The following SLC9A6 variants were observed in gnomAD, a reference collection of about 807,000 sequenced individuals.
The protein encoded by SLC9A6 is solute carrier family 9 member A6.
SLC9A6 carries 6 observed loss-of-function variants against 45.3 expected under a neutral mutation model. The observed-to-expected ratio is 0.13, with a 90% CI of 0.07 to 0.26. SLC9A6 has a LOEUF of 0.26. SLC9A6 is among the 10% of genes least tolerant of loss of function. The pLI is 1.00. For missense variants in SLC9A6, 278 were observed against 503.7 expected (o/e 0.55, Z 4.29); for synonymous variants, 191 against 187.7 (o/e 1.02, Z -0.14).
In SLC9A6 at chrX:135,997,056, A is replaced by G. The variant is rs781797475; in HGVS notation, c.370-1052A>G. Among the ~76,000 whole-genome samples the G allele has an allele frequency of 3.1e-3, 319 of 102,507 alleles. 1 individual carries two copies. Among genetic ancestry groups the G allele is most frequent in the African/African-American group, 8.4e-3 (230 of 27,261 alleles). The allele number at this position is 102,507 out of a possible 115,157, so 89.0% of individuals were successfully genotyped here. A position where few individuals can be genotyped will look rare whatever the true frequency, so the allele number is the denominator to read the frequency against. ...GCTGGGATTACAGGCTTGAGCCACC[A>G]CGCCTGGCCTCATTCATTTATTTTT... On this transcript the variant is annotated intron_variant, in intron 3 of 17. Transcript: ENST00000630721.
At chrX:136,023,088 G>A (rs2071157606) in intron 12 of SLC9A6, among the ~76,000 whole-genome samples, 2 of 98,466 alleles carry the variant, frequency 2.0e-5, no homozygotes, top group African/African-American at 3.8e-5. Context: ...TAGGATTATA[G>A]GCATGAGGCA....
chrX:136,037,200 G>A (rs1387013897), intron 16 of SLC9A6, among the ~76,000 whole-genome samples: 6 of 112,132 alleles, frequency 5.4e-5, no homozygotes, highest in Non-Finnish European at 9.4e-5. Context: ...GGTGCTTTGC[G>A]TTTTCCTTTA....
At chrX:136,020,877 T>C (rs782165323) in intron 11 of SLC9A6, among the ~76,000 whole-genome samples, 2 of 109,395 alleles carry the variant, frequency 1.8e-5, no homozygotes, top group South Asian at 8.1e-4. Flanking sequence ...TTTTTTTGAG[T>C]ACTTCCTTAC....
At chrX:136,004,214 G>T (rs781895779) in intron 7 of SLC9A6, among the ~76,000 whole-genome samples, 1 of 103,582 alleles carries the variant, frequency 9.7e-6, no homozygotes, top group South Asian at 4.6e-4. Context: ...TCAGCCTCCC[G>T]AGTAGCTGGG....
rs139549078 is a variant in SLC9A6 at position 135,992,665 on chromosome X, T to A, written c.170-2121T>A. On this transcript the variant is annotated intron_variant, in intron 2 of 17. Coordinates refer to ENST00000630721, the MANE Select transcript of SLC9A6 (RefSeq NM_001379110.1). ...TACCCATTTCTTCTAGTTTGTTACC[T>A]GCCCAGGTGACATCTCTGGAAAGAC... 2.7e-5 allele frequency among the ~76,000 whole-genome samples: 3 copies of A among 112,311 alleles called. 1 individual carries two copies. The highest frequency in any genetic ancestry group is 9.3e-3 in the Middle Eastern group (2 of 216).
At chrX:136,034,912 T>C (rs1376061921) in intron 16 of SLC9A6, among the ~76,000 whole-genome samples, 1 of 111,875 alleles carries the variant, frequency 8.9e-6, no homozygotes, top group Non-Finnish European at 1.9e-5. Context: ...CTCTTGGGGC[T>C]TTTTCATCCC....
chrX:136,004,052 C>G lies in SLC9A6; in HGVS notation c.743+1839C>G, dbSNP rs1266623948. The stretch of plus-strand genomic sequence containing the variant: ...CAGGTTGAAGAATGAGTCTGAACCT[C>G]TGAGGAATTCAATCCTGCCTCCCTA... On this transcript the variant is annotated intron_variant, in intron 7 of 17. Coordinates refer to ENST00000630721, the MANE Select transcript of SLC9A6 (RefSeq NM_001379110.1). Among the ~76,000 whole-genome samples the G allele has an allele frequency of 3.0e-5, 3 of 99,453 alleles. No individual in the cohort carries two copies. In the East Asian group the frequency reaches 9.3e-4, roughly 31 times the overall value. 86.4% of individuals were successfully genotyped at this position (99,453 alleles called of 115,157 possible). A position where few individuals can be genotyped will look rare whatever the true frequency, so the allele number is the denominator to read the frequency against.
chrX:136,022,709 C>T lies in SLC9A6; in HGVS notation c.1306+12C>T, dbSNP rs1195169447. The T allele has an allele frequency of 9.4e-7, 1 of 1,065,104 alleles. No homozygotes were observed. The highest frequency in any genetic ancestry group is 1.8e-5 in the African/African-American group (1 of 54,246). 87.8% of individuals were successfully genotyped at this position (1,065,104 alleles called of 1,213,427 possible). A position where few individuals can be genotyped will look rare whatever the true frequency, so the allele number is the denominator to read the frequency against. On this transcript the variant is annotated intron_variant, in intron 12 of 17. Coordinates refer to ENST00000630721, the MANE Select transcript of SLC9A6 (RefSeq NM_001379110.1). The stretch of plus-strand genomic sequence containing the variant: ...GATGATGTTTGCTGGTAAGTTGTAA[C>T]TTTCTTCTCTTGCCCACTTCAAGCA...
rs782370742 is a variant in SLC9A6, at chrX:136,024,451, C to T, written c.1428C>T (p.Gly476=). 1.7e-6 allele frequency: 2 copies of T among 1,208,342 alleles called. No individual in the cohort carries two copies. The highest frequency in any genetic ancestry group is 3.5e-5 in the African/African-American group (2 of 57,042). Residue 476 remains glycine (G), a synonymous_variant, in exon 13 of 18, where the codon GGC becomes GGT. Transcript: ENST00000630721. ...TTACCGTGTGGGTATTTGGTGGTGG[C>T]ACCACTGCAATGCTGTCATGCTTGC... The part of the protein sequence containing the change: ...VFFTVWVFGG[G]TTAMLSCLHI...
intron 11 of SLC9A6, among the ~76,000 whole-genome samples, chrX:136,022,175 G>A (rs1381136572): frequency 1.8e-5 from 2 of 111,706 alleles, no homozygotes; most frequent in Non-Finnish European, 1.9e-5. Context: ...GACAATGAAA[G>A]TGAATTAACC....
chrX:136,025,222 A>G (rs1321636811), intron 13 of SLC9A6, among the ~76,000 whole-genome samples: 1 of 112,398 alleles, frequency 8.9e-6, no homozygotes, highest in Admixed American at 9.4e-5. Context: ...TTGAATGTGT[A>G]CCAGTTAATG....
intron 1 of SLC9A6, among the ~76,000 whole-genome samples, chrX:135,975,784 T>C (rs941496600): frequency 9.0e-6 from 1 of 111,530 alleles, no homozygotes; most frequent in Non-Finnish European, 1.9e-5. Context: ...TTTTCTGATA[T>C]GCTTGAGCTT....
At position 135,994,107 on chromosome X, in the gene SLC9A6, C is replaced by CT. The variant is rs782645887; in HGVS notation, c.170-664dup. ...ATGAATGGAGGTGAAAAACAAATTT[C>CT]TTTTTTTTTTTTTTTGAGACAGGGT... On this transcript the variant is annotated intron_variant, in intron 2 of 17. Transcript: ENST00000630721. Among the ~76,000 whole-genome samples, 938 of 96,494 alleles carry CT rather than the reference C, an allele frequency of 9.7e-3. 9 individuals are homozygous for CT. The highest frequency in any genetic ancestry group is 0.023 in the African/African-American group (620 of 26,710). 83.8% of individuals were successfully genotyped at this position (96,494 alleles called of 115,157 possible).
At chrX:136,008,904 C>T (rs1556618294) in intron 7 of SLC9A6, among the ~76,000 whole-genome samples, 2 of 112,063 alleles carry the variant, frequency 1.8e-5, no homozygotes, top group Non-Finnish European at 3.8e-5. Context: ...TCATGTTTCC[C>T]ATGTGTCCTT....
At chrX:136,000,232 G>A (rs969318496) in intron 6 of SLC9A6, among the ~76,000 whole-genome samples, 4 of 84,949 alleles carry the variant, frequency 4.7e-5, no homozygotes, top group Admixed American at 1.6e-4. Context: ...CTGCCTGGGC[G>A]AGAAGGGCGA....
At chrX:136,023,708 A>G (rs1325647290) in intron 12 of SLC9A6, among the ~76,000 whole-genome samples, 1 of 110,190 alleles carries the variant, frequency 9.1e-6, no homozygotes, top group Non-Finnish European at 1.9e-5. Context: ...GGATGATGAA[A>G]CCATTCTGTG....
At chrX:135,975,959 A>C (rs999453907) in intron 1 of SLC9A6, among the ~76,000 whole-genome samples, 1 of 92,689 alleles carries the variant, frequency 1.1e-5, no homozygotes, top group Non-Finnish European at 2.1e-5. Context: ...GCTGAGTGAC[A>C]GAGCGAGACC....
intron 13 of SLC9A6, among the ~76,000 whole-genome samples, chrX:136,027,993 C>G (rs2071258133): frequency 1.8e-5 from 2 of 112,109 alleles, no homozygotes; most frequent in Admixed American, 1.9e-4. Context: ...CATACTGTTC[C>G]CTCTGCCTGG....
chrX:136,004,558 G>A (rs1469654587), intron 7 of SLC9A6, among the ~76,000 whole-genome samples: 3 of 111,707 alleles, frequency 2.7e-5, no homozygotes, highest in African/African-American at 9.8e-5. Context: ...AAACATCACT[G>A]GCTCTGTTTT....
Sources: gnomAD v4.1 joint callset for allele counts (sites outside exome capture counted in the v4.1 genomes callset) on GRCh38, gnomAD v4.1.1 for gene constraint, MANE v1.5 for transcripts, NCBI Gene and HGNC (gene_info 2026-07-23, HGNC 2026-07-21) for gene names.